BPIFC: variants seen among roughly 807,000 people sequenced by gnomAD.
BPIFC encodes the protein BPI fold containing family C.
Under a neutral mutation model 57.6 loss-of-function variants are expected in BPIFC, and 60 were observed. The ratio of observed to expected loss-of-function variants is 1.04; its 90% confidence interval spans 0.85 to 1.29. The LOEUF (loss-of-function observed/expected upper bound fraction) is 1.29, where lower values mean the gene tolerates loss of function less well. Ranked by LOEUF, BPIFC falls within the 50% of genes most tolerant of loss-of-function variation. The probability of loss-of-function intolerance (pLI) is 0.00; values close to 1 mark genes in which losing one functional copy is unlikely to be tolerated. For synonymous variants in BPIFC, 243 were observed against 224.5 expected (o/e 1.08, Z -0.74); for missense variants, 581 against 600.5 (o/e 0.97, Z 0.34).
At chr22:32,451,759 C>T (rs1934901768) in intron 4 of BPIFC, among the ~76,000 whole-genome samples, 2 of 152,128 alleles carry the variant, frequency 1.3e-5, no homozygotes, top group African/African-American at 4.8e-5. Flanking sequence ...TCTCCACCTA[C>T]ACATGATATT....
Position 32,457,814 on chromosome 22 carries a change from C to T in BPIFC, c.1-428G>A, listed in dbSNP as rs147869884. ...AAGTCATTTTACCCTGGGCTCATCACATTCTACTCTGGGATCCCACCACAC... is the reference window on the plus strand; with the variant it reads ...AAGTCATTTTACCCTGGGCTCATCATATTCTACTCTGGGATCCCACCACAC... On this transcript the variant is annotated intron_variant, in intron 2 of 16. Transcript: ENST00000300399. 6.6e-3 allele frequency among the ~76,000 whole-genome samples: 1,011 copies of T among 152,302 alleles called. 10 individuals are homozygous for T. Among genetic ancestry groups the T allele is most frequent in the African/African-American group, 0.023 (942 of 41,564 alleles).
At chr22:32,443,099 C>T (rs1006509931) in intron 7 of BPIFC, among the ~76,000 whole-genome samples, 28 of 151,890 alleles carry the variant, frequency 1.8e-4, no homozygotes, top group Non-Finnish European at 3.2e-4. Context: ...CTGGGGGTGC[C>T]GCCAGCTTGC....
At position 32,414,125 on chromosome 22, in the gene BPIFC, T is replaced by G. The variant is rs8141141; in HGVS notation, c.*178A>C. On this transcript the variant is annotated 3_prime_UTR_variant, in exon 17 of 17. Transcript: ENST00000300399. ...ACTCACATTCAGACACCTCTATTTA[T>G]CCCTTTAACAGAGTCTGCCTTATTC... The G allele has an allele frequency of 0.012, 7,475 of 625,614 alleles. 388 individuals carry two copies. The highest frequency in any genetic ancestry group is 0.12 in the African/African-American group (6,296 of 53,372). The allele number at this position is 625,614 out of a possible 1,614,324, so 38.8% of individuals were successfully genotyped here. A position where few individuals can be genotyped will look rare whatever the true frequency, so the allele number is the denominator to read the frequency against.
At chr22:32,424,684 T>TTCTTCTTCTTCTTCTTCC (rs1933981801) in intron 13 of BPIFC, among the ~76,000 whole-genome samples, 1 of 91,788 alleles carries the variant, frequency 1.1e-5, no homozygotes, top group East Asian at 2.8e-4. Context: ...CTTCTTCTTC[T>TTCTTCTTCTTCTTCTTCC]TCTTCTTCCT....
rs61507713 is a variant in BPIFC, at chr22:32,445,713, GAAAA to G, written c.531-19_531-16del. On this transcript the variant is annotated splice_polypyrimidine_tract_variant and intron_variant, in intron 6 of 16. Coordinates refer to ENST00000300399, the MANE Select transcript of BPIFC (RefSeq NM_174932.3). ...TATACAGAACACTGAGGAAAAAAAT[GAAAA>G]AAAAAAAAAAAAAAAAAAGAGGTTA... is the stretch of plus-strand genomic sequence containing the variant. 209 of 710,884 alleles carry G rather than the reference GAAAA, an allele frequency of 2.9e-4. No homozygotes were observed. The highest frequency in any genetic ancestry group is 7.9e-4 in the South Asian group (32 of 40,744). The allele number at this position is 710,884 out of a possible 1,614,324, so 44.0% of individuals were successfully genotyped here. A position where few individuals can be genotyped will look rare whatever the true frequency, so the allele number is the denominator to read the frequency against.
At chr22:32,447,485 G>A (rs1345424507) in intron 4 of BPIFC, 145 bp from the exon 5 acceptor site, 9 of 955,624 alleles carry the variant, frequency 9.4e-6, no homozygotes, top group Non-Finnish European at 1.3e-5. Flanking sequence ...CTGCAAGGCT[G>A]TCTCTGGGGA....
At chr22:32,427,187 C>T (rs376550093) in intron 13 of BPIFC, among the ~76,000 whole-genome samples, 7 of 152,106 alleles carry the variant, frequency 4.6e-5, no homozygotes, top group Admixed American at 3.3e-4. Context: ...GTAAATTTAT[C>T]GGCTTAAAAC....
At chr22:32,426,903 AG>A (rs140345839) in intron 13 of BPIFC, among the ~76,000 whole-genome samples, 38,837 of 105,286 alleles carry the variant, frequency 0.37, 5,333 homozygotes, top group African/African-American at 0.41. Flanking sequence ...AAAAAAAAAA[AG>A]AAAGAAAGAA....
intron 8 of BPIFC, among the ~76,000 whole-genome samples, chr22:32,441,657 C>A (rs1169571576): frequency 6.6e-6 from 1 of 152,124 alleles, no homozygotes; most frequent in Non-Finnish European, 1.5e-5. Context: ...GGAGGGAACA[C>A]AACATATAAA....
Position 32,434,323 on chromosome 22 carries a change from C to CTA in BPIFC, c.925-552_925-551insTA, listed in dbSNP as rs1454060995. Among the ~76,000 whole-genome samples, 125 of 147,622 alleles carry CTA rather than the reference C, an allele frequency of 8.5e-4. 2 individuals carry two copies. The highest frequency in any genetic ancestry group is 2.8e-3 in the African/African-American group (112 of 40,406). Reference sequence around the variant, plus strand: ...ATAGTCTTTATATATATATTACACTCTGTGTACATATTCTTCATTTATATA... The same window carrying CTA: ...ATAGTCTTTATATATATATTACACTCTATGTGTACATATTCTTCATTTATATA... On this transcript the variant is annotated intron_variant, in intron 10 of 16. Transcript: ENST00000300399.
chr22:32,462,046 T>C (rs1241562889), intron 1 of BPIFC, among the ~76,000 whole-genome samples: 1 of 151,422 alleles, frequency 6.6e-6, no homozygotes, highest in East Asian at 1.9e-4. Flanking sequence ...GGCGCACACC[T>C]GTAGTCCCAG....
At chr22:32,426,444 G>A (rs1934069461) in intron 13 of BPIFC, among the ~76,000 whole-genome samples, 1 of 152,138 alleles carries the variant, frequency 6.6e-6, no homozygotes, top group Non-Finnish European at 1.5e-5. Context: ...TTGCCTCCTG[G>A]TTTGGCTGCT....
At chr22:32,416,513 T>G (rs552406156) in intron 15 of BPIFC, among the ~76,000 whole-genome samples, 42 of 152,356 alleles carry the variant, frequency 2.8e-4, no homozygotes, top group African/African-American at 9.9e-4. Flanking sequence ...GCACCTACAA[T>G]TATGTTCATT....
intron 13 of BPIFC, among the ~76,000 whole-genome samples, chr22:32,426,785 A>C (rs1056802346): frequency 6.6e-6 from 1 of 151,928 alleles, no homozygotes; most frequent in Non-Finnish European, 1.5e-5. Context: ...CCAGCTACCC[A>C]GGAGGCTGAG....
chr22:32,429,482 A>G (rs1395281497), intron 13 of BPIFC, among the ~76,000 whole-genome samples: 1 of 138,478 alleles, frequency 7.2e-6, no homozygotes, highest in Non-Finnish European at 1.5e-5. Context: ...CTGGGATTAC[A>G]GGCGTGAGCC....
At chr22:32,440,803 C>T (rs894428401) in intron 8 of BPIFC, among the ~76,000 whole-genome samples, 1 of 152,138 alleles carries the variant, frequency 6.6e-6, no homozygotes, top group Non-Finnish European at 1.5e-5. Context: ...GCCTTACCAT[C>T]TTCATCACCC....
At chr22:32,460,465 T>A (rs1466305901) in intron 2 of BPIFC, among the ~76,000 whole-genome samples, 1 of 152,228 alleles carries the variant, frequency 6.6e-6, no homozygotes, top group Non-Finnish European at 1.5e-5. Flanking sequence ...TTCACCTGTC[T>A]GTGGGTAAGT....
intron 8 of BPIFC, 43 bp downstream of exon 8, chr22:32,442,627 AG>A (rs776963360): frequency 6.3e-7 from 1 of 1,576,718 alleles, no homozygotes; most frequent in Non-Finnish European, 8.7e-7. Context: ...CAGCTTTTGA[AG>A]GTAGGAAGAC....
chr22:32,429,193 CTTTTCTTT>C (rs1326667924), intron 13 of BPIFC, among the ~76,000 whole-genome samples: 1 of 149,814 alleles, frequency 6.7e-6, no homozygotes, highest in Non-Finnish European at 1.5e-5. Flanking sequence ...TTCCATGTTT[CTTTTCTTT>C]TTTTCTTTTT....
Sources: allele counts gnomAD v4.1 joint callset (sites outside exome capture counted in the v4.1 genomes callset), GRCh38; gene constraint gnomAD v4.1.1; transcripts MANE v1.5; gene names NCBI Gene and HGNC (gene_info 2026-07-23, HGNC 2026-07-21).